The following INPP5A variants were observed in gnomAD, a reference collection of about 807,000 sequenced individuals.
INPP5A encodes 43 kDa inositol polyphosphate 5-phophatase.
In INPP5A, 14 loss-of-function variants were observed where a neutral mutation model predicts 65.2. The observed-to-expected ratio is 0.21, with a 90% CI of 0.14 to 0.34. The LOEUF (loss-of-function observed/expected upper bound fraction) is 0.34. Among genes scored for constraint, INPP5A ranks in the 10% least tolerant of loss-of-function variants. The pLI, the probability that INPP5A is intolerant of heterozygous loss-of-function variation, is 1.00. For synonymous variants in INPP5A, 207 were observed against 208.3 expected (o/e 0.99, Z 0.05); for missense variants, 431 against 545.6 (o/e 0.79, Z 2.09).
intron 5 of INPP5A, among the ~76,000 whole-genome samples, chr10:132,695,030 A>G (rs1008886672): frequency 2.0e-5 from 3 of 152,214 alleles, no homozygotes; most frequent in East Asian, 3.8e-4. Flanking sequence ...GTCCTAAATC[A>G]TTCTATGAGG....
intron 8 of INPP5A, among the ~76,000 whole-genome samples, chr10:132,717,259 C>G (rs941454608): frequency 1.3e-5 from 2 of 152,224 alleles, no homozygotes; most frequent in Non-Finnish European, 2.9e-5. Context: ...TCCCCCACCC[C>G]CGTGACCTCA....
chr10:132,727,113 G>C lies in INPP5A; in HGVS notation c.732+208G>C. On this transcript the variant is annotated intron_variant, in intron 9 of 15. Coordinates refer to ENST00000368594, the MANE Select transcript of INPP5A (RefSeq NM_005539.5). The surrounding 1 kb of genome is among the most constrained non-coding windows in gnomAD (Gnocchi z 6.5). ...AATCCGGGGTGCGCGGGCCCTCAAGGTTGCCCCGGATGGCGGGTGACAGTG... is the reference window on the plus strand; with the variant it reads ...AATCCGGGGTGCGCGGGCCCTCAAGCTTGCCCCGGATGGCGGGTGACAGTG... The C allele has an allele frequency of 2.3e-6, 1 of 428,528 alleles. No individual in the cohort carries two copies. The highest frequency in any genetic ancestry group is 2.0e-5 in the African/African-American group (1 of 49,706). The allele number at this position is 428,528 out of a possible 1,614,324, so 26.5% of individuals were successfully genotyped here. A position where few individuals can be genotyped will look rare whatever the true frequency, so the allele number is the denominator to read the frequency against.
intron 13 of INPP5A, among the ~76,000 whole-genome samples, chr10:132,778,543 A>G (rs1172990705): frequency 6.6e-6 from 1 of 151,938 alleles, no homozygotes; most frequent in African/African-American, 2.4e-5. Flanking sequence ...GGTTTTGTCA[A>G]CCCCGTGAAT....
At chr10:132,780,078 T>C (rs1439812648) in intron 13 of INPP5A, among the ~76,000 whole-genome samples, 1 of 152,258 alleles carries the variant, frequency 6.6e-6, no homozygotes, top group Non-Finnish European at 1.5e-5. Flanking sequence ...GTGCCGAAGC[T>C]TGTTTTCTCA....
intron 2 of INPP5A, among the ~76,000 whole-genome samples, chr10:132,643,258 A>G (rs12412313): frequency 0.18 from 27,006 of 152,228 alleles, 2,841 homozygotes; most frequent in Admixed American, 0.28. Flanking sequence ...CATCCAAGTT[A>G]TCACTGAATA....
chr10:132,574,872 G>C (rs1393757390), intron 1 of INPP5A, among the ~76,000 whole-genome samples: 1 of 152,046 alleles, frequency 6.6e-6, no homozygotes, highest in Non-Finnish European at 1.5e-5. Flanking sequence ...TTCTGTGAGA[G>C]CCTTCCGGAA....
At chr10:132,713,881 C>T (rs1845693678) in intron 8 of INPP5A, among the ~76,000 whole-genome samples, 1 of 152,174 alleles carries the variant, frequency 6.6e-6, no homozygotes, top group Admixed American at 6.5e-5. Flanking sequence ...GGGCCTGGGG[C>T]TTTGTCAGCG....
intron 1 of INPP5A, among the ~76,000 whole-genome samples, chr10:132,543,768 A>G (rs763915695): frequency 1.2e-4 from 18 of 152,196 alleles, no homozygotes; most frequent in Non-Finnish European, 2.2e-4. Flanking sequence ...GGATACACCA[A>G]GTTTTGTTTC....
chr10:132,767,831 AAGATCCGTGGACCCCAACCCTCAG>A (rs1846877411), intron 12 of INPP5A, among the ~76,000 whole-genome samples: 1 of 150,644 alleles, frequency 6.6e-6, no homozygotes. Context: ...GCATTCCAGA[AAGATCCGTGGACCCCAACCCTCAG>A]CGTTCCCAGG....
At position 132,719,848 on chromosome 10, in the gene INPP5A, G is replaced by T. The variant is rs895886357; in HGVS notation, c.648-6973G>T. On this transcript the variant is annotated intron_variant, in intron 8 of 15. Transcript: ENST00000368594. ...CTTAGACGACTGTCTTCAGGGTTCTGTGGTACCTCGGTTCTGTCTGGGCGC... is the reference window on the plus strand; with the variant it reads ...CTTAGACGACTGTCTTCAGGGTTCTTTGGTACCTCGGTTCTGTCTGGGCGC... 1.1e-4 allele frequency among the ~76,000 whole-genome samples: 16 copies of T among 150,836 alleles called. 1 individual carries two copies. Among genetic ancestry groups the T allele is most frequent in the African/African-American group, 3.9e-4 (16 of 40,768 alleles).
At chr10:132,751,554 A>G (rs1392233098) in intron 11 of INPP5A, among the ~76,000 whole-genome samples, 1 of 152,214 alleles carries the variant, frequency 6.6e-6, no homozygotes, top group Non-Finnish European at 1.5e-5. Context: ...CGGGTGGCGC[A>G]TCCCGGCCTC....
chr10:132,553,833 A>G (rs1317563944), intron 1 of INPP5A, among the ~76,000 whole-genome samples: 1 of 145,246 alleles, frequency 6.9e-6, no homozygotes, highest in African/African-American at 2.6e-5. Context: ...TAGGATAGGG[A>G]GGGAGGATTG....
At position 132,719,020 on chromosome 10, in the gene INPP5A, T is replaced by C. The variant is rs538206226; in HGVS notation, c.648-7801T>C. ...GTCTGGGCGCCTTAGACGACTGTCT[T>C]GCGGGTTCTGTGGTACCTGGGTTCT... On this transcript the variant is annotated intron_variant, in intron 8 of 15. Transcript: ENST00000368594. Among the ~76,000 whole-genome samples the C allele has an allele frequency of 5.6e-3, 792 of 142,452 alleles. 13 individuals carry two copies. The highest frequency in any genetic ancestry group is 0.019 in the South Asian group (78 of 4,198). The allele number at this position is 142,452 out of a possible 152,430, so 93.5% of individuals were successfully genotyped here. A position where few individuals can be genotyped will look rare whatever the true frequency, so the allele number is the denominator to read the frequency against.
chr10:132,709,001 T>A (rs941119763), intron 7 of INPP5A, among the ~76,000 whole-genome samples: 2 of 151,994 alleles, frequency 1.3e-5, no homozygotes, highest in South Asian at 2.1e-4. Flanking sequence ...GCTGCTTGAT[T>A]ATCTGCTGCC....
At chr10:132,688,014 G>A (rs746857038) in intron 4 of INPP5A, among the ~76,000 whole-genome samples, 63 of 152,178 alleles carry the variant, frequency 4.1e-4, no homozygotes, top group Non-Finnish European at 7.5e-4. Flanking sequence ...CATGTGGCCA[G>A]CGTCCCCGGG....
At chr10:132,589,459 C>T (rs1001384030) in intron 1 of INPP5A, among the ~76,000 whole-genome samples, 1 of 152,260 alleles carries the variant, frequency 6.6e-6, no homozygotes, top group Non-Finnish European at 1.5e-5. Flanking sequence ...GTAGGGGCCG[C>T]GGTCCAAGCC....
In INPP5A at chr10:132,616,924, G is replaced by A. The variant is rs2072042107; in HGVS notation, c.117+8968G>A. The stretch of plus-strand genomic sequence containing the variant: ...GGTTGTGGAGCCATCGTGCTGGCCA[G>A]TTGCTTTGCTGCGCTGGTGGGGAGA... On this transcript the variant is annotated intron_variant, in intron 2 of 15. Transcript: ENST00000368594. This position sits in a 1 kb window ranked among gnomAD's most constrained non-coding sequence, Gnocchi z 4.9. Among the ~76,000 whole-genome samples the A allele has an allele frequency of 6.6e-6, 1 of 152,120 alleles. No individual in the cohort carries two copies. Among genetic ancestry groups the A allele is most frequent in the Non-Finnish European group, 1.5e-5 (1 of 68,000 alleles).
rs111745337 is a variant in INPP5A, at chr10:132,730,796, C to T, written c.732+3891C>T. Among the ~76,000 whole-genome samples the T allele has an allele frequency of 6.0e-3, 914 of 152,328 alleles. 2 individuals carry two copies. Among genetic ancestry groups the T allele is most frequent in the African/African-American group, 0.021 (877 of 41,566 alleles). On this transcript the variant is annotated intron_variant, in intron 9 of 15. Coordinates refer to ENST00000368594, the MANE Select transcript of INPP5A (RefSeq NM_005539.5). ...TGCTGTGAGCCTGACCGCAAGCTGC[C>T]TCCCCTCTGCCCCTGCAGCGGCTGC...
chr10:132,612,391 T>C (rs1401191041), intron 2 of INPP5A, among the ~76,000 whole-genome samples: 1 of 152,028 alleles, frequency 6.6e-6, no homozygotes, highest in African/African-American at 2.4e-5. Flanking sequence ...TTTTCTGTCC[T>C]GTTGAGTTAG....
Sources: allele counts gnomAD v4.1 joint callset (sites outside exome capture counted in the v4.1 genomes callset), GRCh38; gene constraint gnomAD v4.1.1; non-coding constraint Gnocchi (gnomAD v3.1); transcripts MANE v1.5; gene names NCBI Gene and HGNC (gene_info 2026-07-23, HGNC 2026-07-21).